Variants in MSANTD5 observed in about 807,000 individuals in gnomAD.
MSANTD5 encodes the protein uncharacterized protein MSANTD5.
chr5:178,700,245 T>A (rs56159071), upstream of MSANTD5, among the ~76,000 whole-genome samples: 33,498 of 151,952 alleles, frequency 0.22, 4,245 homozygotes, highest in South Asian at 0.36. Flanking sequence ...AACTCCCTGG[T>A]CAAGTCTAGC....
At chr5:178,702,082 T>TA (rs776552032), upstream of MSANTD5, among the ~76,000 whole-genome samples, 418 of 137,604 alleles carry the variant, frequency 3.0e-3, 4 homozygotes, top group African/African-American at 7.8e-3. Context: ...CTGGATTAAC[T>TA]AAAAAAAAAA....
the MSANTD5 span, among the ~76,000 whole-genome samples, chr5:178,702,990 A>G: frequency 6.6e-6 from 1 of 152,212 alleles, no homozygotes; most frequent in Non-Finnish European, 1.5e-5. Flanking sequence ...ACAAACACAC[A>G]GGGCGATTCC....
chr5:178,698,603 A>G (rs10072060), upstream of MSANTD5, among the ~76,000 whole-genome samples: 62,916 of 151,886 alleles, frequency 0.41, 14,101 homozygotes, highest in Admixed American at 0.52. Context: ...TTTTAGAGGT[A>G]GGGTCTTGCT....
chr5:178,693,246 G>A (rs967993638), downstream of MSANTD5, among the ~76,000 whole-genome samples: 1 of 152,032 alleles, frequency 6.6e-6, no homozygotes, highest in South Asian at 2.1e-4. Flanking sequence ...CCAGGTGGCG[G>A]AGGTTATGGT....
downstream of MSANTD5, among the ~76,000 whole-genome samples, chr5:178,694,068 G>A (rs1341698353): frequency 1.3e-5 from 2 of 151,998 alleles, no homozygotes; most frequent in Non-Finnish European, 1.5e-5. Context: ...TGTAATCCCA[G>A]CACTTTGGGA....
the MSANTD5 span, among the ~76,000 whole-genome samples, chr5:178,704,948 C>T: frequency 6.6e-6 from 1 of 152,104 alleles, no homozygotes; most frequent in Non-Finnish European, 1.5e-5. Flanking sequence ...ATCGCTGTGC[C>T]GGACGGGAGC....
At chr5:178,696,520 C>A (rs530136877) in intron 1 of MSANTD5, among the ~76,000 whole-genome samples, 25 of 152,276 alleles carry the variant, frequency 1.6e-4, no homozygotes, top group African/African-American at 6.0e-4. Context: ...GCCACTGCGA[C>A]CAGCCCCCCT....
exon 3 of MSANTD5, chr5:178,695,516 C>G (rs1000057): frequency 0.42 from 64,362 of 151,864 alleles, 14,321 homozygotes; most frequent in Admixed American, 0.54. Flanking sequence ...TCTTCTTCAC[C>G]CTGTACACCT....
At chr5:178,697,321 G>T (rs1319454140) in intron 1 of MSANTD5, among the ~76,000 whole-genome samples, 1 of 151,610 alleles carries the variant, frequency 6.6e-6, no homozygotes, top group Non-Finnish European at 1.5e-5. Context: ...GGGCGTGGTG[G>T]CGGGCGCCTG....
At chr5:178,706,168 G>C in the MSANTD5 span, among the ~76,000 whole-genome samples, 8 of 152,174 alleles carry the variant, frequency 5.3e-5, no homozygotes, top group African/African-American at 1.9e-4. Context: ...AATGTGGTGT[G>C]GTTGATTTTC....
downstream of MSANTD5, among the ~76,000 whole-genome samples, chr5:178,692,580 C>T (rs1253902764): frequency 1.3e-5 from 2 of 151,996 alleles, no homozygotes; most frequent in Non-Finnish European, 2.9e-5. Flanking sequence ...CTTCTACATC[C>T]ACCCAGTGGA....
upstream of MSANTD5, among the ~76,000 whole-genome samples, chr5:178,698,819 C>T (rs551998772): frequency 1.8e-4 from 24 of 134,990 alleles, no homozygotes; most frequent in Middle Eastern, 4.8e-3. Flanking sequence ...GTGAACTCTT[C>T]ATTTCAAGCA....
At chr5:178,701,318 G>C (rs1381458307), upstream of MSANTD5, among the ~76,000 whole-genome samples, 2 of 151,970 alleles carry the variant, frequency 1.3e-5, no homozygotes, top group African/African-American at 2.4e-5. Flanking sequence ...ATCTAATCTA[G>C]GGGATACTGT....
At chr5:178,706,347 T>A in the MSANTD5 span, among the ~76,000 whole-genome samples, 259 of 152,280 alleles carry the variant, frequency 1.7e-3, no homozygotes, top group African/African-American at 5.6e-3. Flanking sequence ...CACTTGTAAC[T>A]GAATTTCCCC....
chr5:178,702,032 C>T (rs1048619250), upstream of MSANTD5, among the ~76,000 whole-genome samples: 4 of 148,622 alleles, frequency 2.7e-5, no homozygotes, highest in South Asian at 6.3e-4. Flanking sequence ...CGCGCCCGGC[C>T]GAATATTTTT....
the MSANTD5 span, among the ~76,000 whole-genome samples, chr5:178,706,350 A>G: frequency 6.6e-6 from 1 of 151,950 alleles, no homozygotes; most frequent in Non-Finnish European, 1.5e-5. Flanking sequence ...TTGTAACTGA[A>G]TTTCCCCAAA....
At chr5:178,693,824 A>G (rs1765381619), downstream of MSANTD5, among the ~76,000 whole-genome samples, 1 of 151,912 alleles carries the variant, frequency 6.6e-6, no homozygotes, top group Admixed American at 6.6e-5. Context: ...TCCTCTAGCT[A>G]GTCAGAAAAG....
chr5:178,699,024 A>G (rs1765449598), upstream of MSANTD5, among the ~76,000 whole-genome samples: 1 of 151,896 alleles, frequency 6.6e-6, no homozygotes, highest in African/African-American at 2.4e-5. Context: ...TGATGCCCAT[A>G]TGGTCAGGAA....
chr5:178,705,118 G>A, the MSANTD5 span, among the ~76,000 whole-genome samples: 1 of 151,566 alleles, frequency 6.6e-6, no homozygotes, highest in Admixed American at 6.6e-5. Flanking sequence ...GCACAATCTT[G>A]GCTCACTACA....
Sources: gnomAD v4.1 joint callset for allele counts (sites outside exome capture counted in the v4.1 genomes callset) on GRCh38, gnomAD v4.1.1 for gene constraint, MANE v1.5 for transcripts, NCBI Gene and HGNC (gene_info 2026-07-23, HGNC 2026-07-21) for gene names.